The following PYGL variants were observed in gnomAD, a reference collection of about 807,000 sequenced individuals.
The protein encoded by PYGL is glycogen phosphorylase, liver form.
Under a neutral mutation model 100.1 loss-of-function variants are expected in PYGL, and 90 were observed. The ratio of observed to expected loss-of-function variants is 0.90; its 90% CI spans 0.76 to 1.07. The LOEUF (loss-of-function observed/expected upper bound fraction) is 1.07, where lower values mean the gene tolerates loss of function less well. PYGL is among the 50% of genes least tolerant of loss of function. PYGL has a pLI of 0.00. For missense variants in PYGL, 1,016 were observed against 1,057.6 expected (o/e 0.96, Z 0.55); for synonymous variants, 373 against 393.0 (o/e 0.95, Z 0.60).
intron 5 of PYGL, among the ~76,000 whole-genome samples, chr14:50,922,991 T>C (rs2139181235): frequency 6.6e-6 from 1 of 152,328 alleles, no homozygotes; most frequent in African/African-American, 2.4e-5. Context: ...ACAGAGCACA[T>C]CTGGACTCAT....
chr14:50,925,688 A>G (rs1369006711), intron 4 of PYGL, among the ~76,000 whole-genome samples: 2 of 152,224 alleles, frequency 1.3e-5, no homozygotes, highest in African/African-American at 2.4e-5. Flanking sequence ...TCAAATTTTG[A>G]TAGTGTTGTT....
At chr14:50,926,582 C>T (rs563812165) in intron 4 of PYGL, among the ~76,000 whole-genome samples, 5 of 151,042 alleles carry the variant, frequency 3.3e-5, no homozygotes, top group South Asian at 4.2e-4. Context: ...GAAAATTAGC[C>T]GGGCATGGTG....
chr14:50,921,149 T>A (rs2050497423), intron 5 of PYGL, 82 bp from the exon 6 acceptor site: 1 of 1,089,118 alleles, frequency 9.2e-7, no homozygotes, highest in African/African-American at 1.6e-5. Flanking sequence ...GAGACTGCAA[T>A]GGAATTCTAT....
At chr14:50,938,970 G>A (rs2050679778) in intron 1 of PYGL, among the ~76,000 whole-genome samples, 1 of 152,062 alleles carries the variant, frequency 6.6e-6, no homozygotes, top group African/African-American at 2.4e-5. Flanking sequence ...CACCGCATGG[G>A]TAGAAAATAT....
intron 5 of PYGL, chr14:50,923,736 G>T: frequency 3.0e-6 from 1 of 330,008 alleles, no homozygotes; most frequent in Admixed American, 4.6e-5. Flanking sequence ...GACAAAGCTG[G>T]TTGCAAAATG....
At chr14:50,926,272 G>A (rs555485605) in intron 4 of PYGL, among the ~76,000 whole-genome samples, 37 of 151,796 alleles carry the variant, frequency 2.4e-4, no homozygotes, top group African/African-American at 8.7e-4. Context: ...GATTGCTTGA[G>A]CCCGGGAGGT....
intron 4 of PYGL, among the ~76,000 whole-genome samples, chr14:50,926,049 T>G (rs2050544960): frequency 6.6e-6 from 1 of 152,192 alleles, no homozygotes; most frequent in East Asian, 1.9e-4. Flanking sequence ...AACTGTAATC[T>G]GTAATTCAGA....
chr14:50,940,693 C>T (rs1166591164), intron 1 of PYGL, among the ~76,000 whole-genome samples: 1 of 152,004 alleles, frequency 6.6e-6, no homozygotes, highest in Non-Finnish European at 1.5e-5. Context: ...ATGAGCATCT[C>T]CAATATACTT....
intron 7 of PYGL, among the ~76,000 whole-genome samples, chr14:50,917,516 G>A (rs1400854006): frequency 6.6e-6 from 1 of 152,186 alleles, no homozygotes; most frequent in Non-Finnish European, 1.5e-5. Context: ...TGGGAAGCAG[G>A]GAAGAAGTGA....
intron 2 of PYGL, among the ~76,000 whole-genome samples, chr14:50,937,295 G>C (rs1377153706): frequency 6.6e-6 from 1 of 152,216 alleles, no homozygotes; most frequent in African/African-American, 2.4e-5. Context: ...AACAGAGAAA[G>C]TATGACAACA....
At chr14:50,928,616 G>C (rs2050576215) in intron 4 of PYGL, among the ~76,000 whole-genome samples, 1 of 151,190 alleles carries the variant, frequency 6.6e-6, no homozygotes, top group African/African-American at 2.4e-5. Flanking sequence ...AGAGGAGATG[G>C]TAAATATAGA....
intron 3 of PYGL, among the ~76,000 whole-genome samples, chr14:50,934,155 G>C (rs939602319): frequency 6.6e-6 from 1 of 152,054 alleles, no homozygotes; most frequent in African/African-American, 2.4e-5. Context: ...CTATATATTT[G>C]ATGAAAAATT....
chr14:50,914,991 C>T (rs551595918), intron 11 of PYGL, among the ~76,000 whole-genome samples, 176 bp from the exon 12 acceptor site: 4 of 152,162 alleles, frequency 2.6e-5, no homozygotes, highest in Admixed American at 6.5e-5. Context: ...AATTCATTTG[C>T]AACTCAAAAG....
chr14:50,923,810 G>A (rs190484373), intron 5 of PYGL, 159 bp downstream of exon 5: 182 of 943,026 alleles, frequency 1.9e-4, no homozygotes, highest in South Asian at 1.9e-4. Flanking sequence ...ACTGGGCTGC[G>A]CTAAGAGAAG....
intron 16 of PYGL, among the ~76,000 whole-genome samples, chr14:50,911,112 G>A (rs781537289): frequency 4.6e-5 from 7 of 152,214 alleles, no homozygotes; most frequent in African/African-American, 1.4e-4. Flanking sequence ...ATACACAGTT[G>A]GGCATTTGCA....
At chr14:50,931,833 C>T in intron 3 of PYGL, 57 bp from the exon 4 acceptor site, 1 of 1,422,720 alleles carries the variant, frequency 7.0e-7, no homozygotes, top group South Asian at 1.1e-5. Flanking sequence ...CCAAAATTTC[C>T]AGTCTTTCCC....
chr14:50,923,830 T>C (rs1555327463), intron 5 of PYGL, 139 bp downstream of exon 5: 4 of 1,137,414 alleles, frequency 3.5e-6, no homozygotes, highest in Non-Finnish European at 5.0e-6. Context: ...GTAACAGATT[T>C]ATTTACAAAA....
chr14:50,925,721 C>T (rs1319130982), intron 4 of PYGL, among the ~76,000 whole-genome samples: 9 of 152,152 alleles, frequency 5.9e-5, no homozygotes, highest in Non-Finnish European at 1.3e-4. Context: ...CAGTAAGCTT[C>T]CCACTAATAT....
At chr14:50,921,244 G>A (rs2050498406) in intron 5 of PYGL, 177 bp from the exon 6 acceptor site, 2 of 605,650 alleles carry the variant, frequency 3.3e-6, no homozygotes, top group East Asian at 5.6e-5. Flanking sequence ...AGAGGAACAT[G>A]TGGTTCCTCC....
Sources: gnomAD v4.1 joint callset for allele counts (sites outside exome capture counted in the v4.1 genomes callset) on GRCh38, gnomAD v4.1.1 for gene constraint, MANE v1.5 for transcripts, NCBI Gene and HGNC (gene_info 2026-07-23, HGNC 2026-07-21) for gene names.